The following NMT2 variants were observed in gnomAD, a reference collection of about 807,000 sequenced individuals.
NMT2 encodes the protein N-myristoyltransferase 2.
Under a neutral mutation model 65.4 loss-of-function variants are expected in NMT2, and 35 were observed. The ratio of observed to expected loss-of-function variants is 0.54; its 90% CI spans 0.41 to 0.71. NMT2 has a LOEUF of 0.71. Among genes scored for constraint, NMT2 ranks in the 30% least tolerant of loss-of-function variants. The pLI, the probability that NMT2 is intolerant of heterozygous loss-of-function variation, is 0.00. For synonymous variants in NMT2, 226 were observed against 231.8 expected (o/e 0.98, Z 0.23); for missense variants, 489 against 611.3 (o/e 0.80, Z 2.11).
rs1266930345 is a variant in NMT2, at chr10:15,107,506, G to T, written c.*1689C>A. 1.1e-6 allele frequency: 1 copy of T among 911,272 alleles called. No homozygotes were observed. The highest frequency in any genetic ancestry group is 1.2e-4 in the East Asian group (1 of 8,482). The allele number at this position is 911,272 out of a possible 1,614,324, so 56.4% of individuals were successfully genotyped here. A position where few individuals can be genotyped will look rare whatever the true frequency, so the allele number is the denominator to read the frequency against. ...CTTGCACTGTCACCCAGGCTGGAGT[G>T]CAGTGGCACGATCTTGGCTCACTGC... is the stretch of plus-strand genomic sequence containing the variant. On this transcript the variant is annotated 3_prime_UTR_variant, in exon 12 of 12. Coordinates refer to ENST00000378165, the MANE Select transcript of NMT2 (RefSeq NM_004808.3).
chr10:15,168,009 T>G (rs935917970), intron 1 of NMT2, among the ~76,000 whole-genome samples: 4 of 151,970 alleles, frequency 2.6e-5, no homozygotes, highest in Non-Finnish European at 5.9e-5. Flanking sequence ...TCCACGCCGC[T>G]CCACCCACGT....
chr10:15,118,395 C>T (rs557156476), intron 9 of NMT2, among the ~76,000 whole-genome samples: 5 of 152,108 alleles, frequency 3.3e-5, no homozygotes, highest in African/African-American at 4.8e-5. Context: ...AAAAATTAGC[C>T]GGGCATGGTG....
At chr10:15,151,751 G>A (rs944850623) in intron 1 of NMT2, among the ~76,000 whole-genome samples, 3 of 152,202 alleles carry the variant, frequency 2.0e-5, no homozygotes, top group African/African-American at 7.2e-5. Context: ...TTGGCTGGGT[G>A]TGGTGGCTCA....
In NMT2 at chr10:15,128,447, C is replaced by T. The variant is rs1846171141; in HGVS notation, c.902G>A (p.Arg301Gln). The T allele has an allele frequency of 2.5e-6, 4 of 1,589,660 alleles. No individual in the cohort carries two copies. Among genetic ancestry groups the T allele is most frequent in the South Asian group, 1.1e-5 (1 of 90,272 alleles). ...TACCAATTTTCTGGGGTTTAGTGAT[C>T]GATGCCAGTATCTGGAATACAATAA... Reference protein sequence around the residue: ...KPIATCRYWHRSLNPRKLVEV... With the variant: ...KPIATCRYWHQSLNPRKLVEV... Residue 301 changes from arginine to glutamine, a missense_variant, in exon 8 of 12, where the codon CGA becomes CAA. By Grantham distance (43) the Arg-to-Gln change is conservative (BLOSUM62 1). Coordinates refer to ENST00000378165, the MANE Select transcript of NMT2 (RefSeq NM_004808.3).
At chr10:15,116,888 C>T (rs1845765389) in intron 9 of NMT2, among the ~76,000 whole-genome samples, 3 of 152,142 alleles carry the variant, frequency 2.0e-5, no homozygotes, top group Admixed American at 2.0e-4. Flanking sequence ...CTGAATAGTG[C>T]TATAACCATT....
Position 15,109,744 on chromosome 10 carries a change from A to G in NMT2, c.1434T>C (p.Tyr478=), listed in dbSNP as rs1845444403. The change falls in exon 11 of 12, where the codon TAT becomes TAC. Residue 478 remains tyrosine, a synonymous_variant. Transcript: ENST00000378165. The part of the protein sequence containing the change: ...KFGIGDGNLQ[Y]YLYNWRCPGT... ...CTGGACACCTCCAATTGTACAGGTAATACTGCAAATTGCCATCTCCTATAC... is the reference window on the plus strand; with the variant it reads ...CTGGACACCTCCAATTGTACAGGTAGTACTGCAAATTGCCATCTCCTATAC... 1 of 1,613,708 alleles carries G rather than the reference A, an allele frequency of 6.2e-7. No individual in the cohort carries two copies. The highest frequency in any genetic ancestry group is 8.5e-7 in the Non-Finnish European group (1 of 1,179,882).
chr10:15,153,264 T>TA (rs1410959315), intron 1 of NMT2, among the ~76,000 whole-genome samples: 1 of 152,214 alleles, frequency 6.6e-6, no homozygotes, highest in East Asian at 1.9e-4. Flanking sequence ...CCGCCATCTC[T>TA]AAAAAAATAC....
chr10:15,161,741 C>T, intron 1 of NMT2, among the ~76,000 whole-genome samples: 1 of 152,052 alleles, frequency 6.6e-6, no homozygotes, highest in East Asian at 1.9e-4. Context: ...TTTTTGTTAA[C>T]AGGAATGTGA....
At chr10:15,155,660 G>A (rs1275529285) in intron 1 of NMT2, among the ~76,000 whole-genome samples, 1 of 143,802 alleles carries the variant, frequency 7.0e-6, no homozygotes, top group East Asian at 2.2e-4. Context: ...TGGGATTATA[G>A]ACATGAGCCA....
At chr10:15,160,583 G>A (rs11259523) in intron 1 of NMT2, among the ~76,000 whole-genome samples, 6,789 of 151,486 alleles carry the variant, frequency 0.045, 170 homozygotes, top group African/African-American at 0.06. Context: ...GAGACCAGCC[G>A]GCCAACGTGG....
At chr10:15,110,352 C>T (rs774483416) in intron 10 of NMT2, among the ~76,000 whole-genome samples, 11 of 151,590 alleles carry the variant, frequency 7.3e-5, no homozygotes, top group African/African-American at 7.3e-5. Context: ...TGGTGGCTCA[C>T]GCCTGTAATC....
Position 15,109,268 on chromosome 10 carries a change from A to G in NMT2, c.1477-53T>C. 1.9e-6 allele frequency: 3 copies of G among 1,586,328 alleles called. No homozygotes were observed. In the East Asian group the frequency reaches 6.8e-5, roughly 36 times the overall value. On this transcript the variant is annotated intron_variant, in intron 11 of 11. Transcript: ENST00000378165. ...AAGAAAAATTAGATTGCAATGTAGT[A>G]CAATAGATCTGTCTTTCTAAAAGCT...
intron 1 of NMT2, among the ~76,000 whole-genome samples, chr10:15,147,937 A>T (rs1043076337): frequency 6.6e-6 from 1 of 152,246 alleles, no homozygotes; most frequent in Admixed American, 6.5e-5. Flanking sequence ...TTATAAAAAA[A>T]TTTTTATGTT....
intron 2 of NMT2, among the ~76,000 whole-genome samples, chr10:15,138,100 T>C (rs1210997203): frequency 6.8e-6 from 1 of 147,800 alleles, no homozygotes; most frequent in African/African-American, 2.5e-5. Context: ...GACCTCCGCC[T>C]CCTGGGTTCA....
chr10:15,122,671 G>A (rs985692627), intron 8 of NMT2, among the ~76,000 whole-genome samples: 6 of 152,128 alleles, frequency 3.9e-5, no homozygotes, highest in East Asian at 1.9e-4. Context: ...TGCCCACCTC[G>A]GTCTCCCAAA....
intron 1 of NMT2, among the ~76,000 whole-genome samples, chr10:15,159,076 G>A (rs973623123): frequency 3.9e-5 from 6 of 152,190 alleles, no homozygotes; most frequent in African/African-American, 1.4e-4. Flanking sequence ...CTCACCAAAG[G>A]TGTGGCCCTC....
intron 1 of NMT2, among the ~76,000 whole-genome samples, chr10:15,159,583 G>C (rs779819863): frequency 7.2e-5 from 11 of 151,962 alleles, no homozygotes; most frequent in Non-Finnish European, 1.3e-4. Flanking sequence ...GCCCGCCATC[G>C]TGCCAGACTG....
At chr10:15,137,113 A>G (rs1392779961) in intron 2 of NMT2, among the ~76,000 whole-genome samples, 2 of 152,156 alleles carry the variant, frequency 1.3e-5, no homozygotes, top group Non-Finnish European at 2.9e-5. Flanking sequence ...ATAAACAGCA[A>G]CTTTGGACTT....
At chr10:15,164,182 CAAAAAA>C (rs34847914) in intron 1 of NMT2, among the ~76,000 whole-genome samples, 92 of 69,878 alleles carry the variant, frequency 1.3e-3, no homozygotes, top group African/African-American at 4.2e-3. Context: ...GAATTGGTCT[CAAAAAA>C]AAAAAAAAAA....
Sources: allele counts gnomAD v4.1 joint callset (sites outside exome capture counted in the v4.1 genomes callset), GRCh38; gene constraint gnomAD v4.1.1; transcripts MANE v1.5; gene names NCBI Gene and HGNC (gene_info 2026-07-23, HGNC 2026-07-21).